The following ABL1 variants were observed in gnomAD, a reference collection of about 807,000 sequenced individuals.
ABL1 encodes the protein tyrosine-protein kinase ABL1.
Under a neutral mutation model 94.7 loss-of-function variants are expected in ABL1, and 11 were observed. The observed-to-expected ratio is 0.12, with a 90% CI of 0.07 to 0.19. The LOEUF (loss-of-function observed/expected upper bound fraction) is 0.19. ABL1 is among the 10% of genes least tolerant of loss of function. ABL1 has a pLI of 1.00. For missense variants in ABL1, 1,082 were observed against 1,489.4 expected, an observed-to-expected ratio of 0.73 and a Z score of 4.50; for synonymous variants, 656 against 622.4, an observed-to-expected ratio of 1.05 and a Z score of -0.80.
intron 1 of ABL1, among the ~76,000 whole-genome samples, chr9:130,774,707 A>T (rs563554786): frequency 6.6e-6 from 1 of 152,166 alleles, no homozygotes; most frequent in South Asian, 2.1e-4. Flanking sequence ...TTAGCCAGGC[A>T]TGGTGGCGTG....
At chr9:130,764,517 T>C (rs150765152) in intron 1 of ABL1, among the ~76,000 whole-genome samples, 1 of 152,356 alleles carries the variant, frequency 6.6e-6, no homozygotes, top group East Asian at 1.9e-4. Context: ...CCTTCTGATA[T>C]ATGCATTCGA....
chr9:130,727,698 G>A (rs1176726922), intron 1 of ABL1, among the ~76,000 whole-genome samples: 1 of 149,772 alleles, frequency 6.7e-6, no homozygotes, highest in Non-Finnish European at 1.5e-5. Flanking sequence ...AGAGGTTGCA[G>A]TGAGCCGAGA....
Position 130,835,387 on chromosome 9 carries a change from C to A in ABL1, c.-60C>A. On this transcript the variant is annotated 5_prime_UTR_variant, in exon 1 of 11. Transcript: ENST00000318560. This position sits in a 1 kb window ranked among gnomAD's most constrained non-coding sequence, Gnocchi z 4.6. Reference sequence around the variant, plus strand: ...GCGCGCGGGCCGAGCCGGGCCTGAGCCGGGCCCGCGGACCGAGCTGGGAGA... The same window carrying A: ...GCGCGCGGGCCGAGCCGGGCCTGAGACGGGCCCGCGGACCGAGCTGGGAGA... 2 of 1,283,328 alleles carry A rather than the reference C, an allele frequency of 1.6e-6. No individual in the cohort carries two copies. The highest frequency in any genetic ancestry group is 2.1e-6 in the Non-Finnish European group (2 of 956,302). The allele number at this position is 1,283,328 out of a possible 1,614,324, so 79.5% of individuals were successfully genotyped here.
intron 1 of ABL1, among the ~76,000 whole-genome samples, chr9:130,824,955 A>G (rs1440022188): frequency 1.3e-5 from 2 of 152,212 alleles, no homozygotes. Flanking sequence ...TTCTGGTTCC[A>G]TTTGTCCTTT....
At chr9:130,753,174 G>A (rs111538674) in intron 1 of ABL1, among the ~76,000 whole-genome samples, 8 of 147,006 alleles carry the variant, frequency 5.4e-5, no homozygotes, top group Non-Finnish European at 9.0e-5. Context: ...GGAGAATGGC[G>A]TGAACCCGGG....
At chr9:130,766,523 G>A (rs1353138147) in intron 1 of ABL1, among the ~76,000 whole-genome samples, 2 of 152,120 alleles carry the variant, frequency 1.3e-5, no homozygotes, top group Non-Finnish European at 2.9e-5. Context: ...ACTTGCAGGG[G>A]CCTTTTCTTT....
rs57194587 is a variant in ABL1, at chr9:130,813,561, CAAAAAAAAAA to C, written c.137-40488_137-40479del. On this transcript the variant is annotated intron_variant, in intron 1 of 10. Transcript: ENST00000372348. ...GGCTGAGAGAGCGAGACTCCATCTCCAAAAAAAAAAAAAAAAAAAAAAAAGAAAGTATGAT... is the reference window on the plus strand; with the variant it reads ...GGCTGAGAGAGCGAGACTCCATCTCCAAAAAAAAAAAAAAGAAAGTATGAT... 6.2e-3 allele frequency among the ~76,000 whole-genome samples: 379 copies of C among 60,698 alleles called. 2 individuals carry two copies. The highest frequency in any genetic ancestry group is 0.02 in the African/African-American group (368 of 18,004). The allele number at this position is 60,698 out of a possible 152,430, so 39.8% of individuals were successfully genotyped here. A position where few individuals can be genotyped will look rare whatever the true frequency, so the allele number is the denominator to read the frequency against.
At chr9:130,866,580 T>G (rs1831161009) in intron 4 of ABL1, among the ~76,000 whole-genome samples, 1 of 152,094 alleles carries the variant, frequency 6.6e-6, no homozygotes, top group South Asian at 2.1e-4. Flanking sequence ...AGGGCCTACT[T>G]TTAACCGCAA....
chr9:130,740,718 C>T (rs896673991), intron 1 of ABL1, among the ~76,000 whole-genome samples: 3 of 151,970 alleles, frequency 2.0e-5, no homozygotes, highest in Non-Finnish European at 4.4e-5. Flanking sequence ...TGCAGTGGCA[C>T]GATCATCGCT....
At chr9:130,734,940 T>G (rs1021053864) in intron 1 of ABL1, among the ~76,000 whole-genome samples, 4 of 152,116 alleles carry the variant, frequency 2.6e-5, no homozygotes, top group Non-Finnish European at 5.9e-5. Context: ...ATTTTATAAT[T>G]ATAAAATTAT....
intron 1 of ABL1, among the ~76,000 whole-genome samples, chr9:130,777,445 CAG>C (rs1237198145): frequency 6.6e-6 from 1 of 151,040 alleles, no homozygotes; most frequent in Non-Finnish European, 1.5e-5. Flanking sequence ...AGGAACCTCT[CAG>C]GGCTTTGTGT....
intron 1 of ABL1, among the ~76,000 whole-genome samples, chr9:130,788,544 C>G (rs1829862268): frequency 6.6e-6 from 1 of 152,136 alleles, no homozygotes; most frequent in African/African-American, 2.4e-5. Flanking sequence ...CCAATTTCCT[C>G]AATTCTCCCA....
At chr9:130,827,196 T>C (rs573337961) in intron 1 of ABL1, among the ~76,000 whole-genome samples, 7 of 152,338 alleles carry the variant, frequency 4.6e-5, no homozygotes, top group Admixed American at 4.6e-4. Flanking sequence ...AGCAGATTTT[T>C]TAAAAGTCTG....
At chr9:130,723,291 C>T (rs1315227219) in intron 1 of ABL1, among the ~76,000 whole-genome samples, 1 of 152,134 alleles carries the variant, frequency 6.6e-6, no homozygotes, top group Non-Finnish European at 1.5e-5. Context: ...CACCTGTAAT[C>T]CCAGCACTTT....
chr9:130,826,801 G>A (rs1048428338), intron 1 of ABL1, among the ~76,000 whole-genome samples: 47 of 152,192 alleles, frequency 3.1e-4, no homozygotes, highest in Non-Finnish European at 4.3e-4. Flanking sequence ...ATGCCCGGCC[G>A]GGCGCGGTGG....
intron 1 of ABL1, among the ~76,000 whole-genome samples, chr9:130,715,819 C>G (rs1161101376): frequency 6.6e-6 from 1 of 151,992 alleles, no homozygotes; most frequent in Admixed American, 6.6e-5. Flanking sequence ...TCCCTGATAT[C>G]TCTTCAGGGG....
At chr9:130,802,561 G>A (rs1183939434) in intron 1 of ABL1, among the ~76,000 whole-genome samples, 3 of 151,760 alleles carry the variant, frequency 2.0e-5, no homozygotes, top group African/African-American at 7.3e-5. Context: ...ATTATTTTTT[G>A]TTGTTCCTAT....
Position 130,802,095 on chromosome 9 carries a change from CTTTT to C in ABL1, c.137-51957_137-51954del, listed in dbSNP as rs3085157. Among the ~76,000 whole-genome samples, 165 of 132,076 alleles carry C rather than the reference CTTTT, an allele frequency of 1.2e-3. 2 individuals carry two copies. The highest frequency in any genetic ancestry group is 2.0e-3 in the Non-Finnish European group (127 of 63,122). 86.6% of individuals were successfully genotyped at this position (132,076 alleles called of 152,430 possible). A position where few individuals can be genotyped will look rare whatever the true frequency, so the allele number is the denominator to read the frequency against. On this transcript the variant is annotated intron_variant, in intron 1 of 10. Transcript: ENST00000372348. ...AGTCTGTTCATTTTTTTCCTTCAGT[CTTTT>C]TTTTTTTTTTTGAAATGGTCTCTCT...
rs1064163 is a variant in ABL1 at position 130,885,145 on chromosome 9, G to A, written c.2855G>A (p.Gly952Glu). 1 of 1,613,048 alleles carries A rather than the reference G, an allele frequency of 6.2e-7. No homozygotes were observed. Among genetic ancestry groups the A allele is most frequent in the Non-Finnish European group, 8.5e-7 (1 of 1,179,906 alleles). ...NSDAAKPSQP[G>E]EGLKKPVLPA... Reference sequence around the variant, plus strand: ...GACGCTGCCAAGCCCAGCCAGCCGGGAGAGGGCCTCAAAAAGCCCGTGCTC... The same window carrying A: ...GACGCTGCCAAGCCCAGCCAGCCGGAAGAGGGCCTCAAAAAGCCCGTGCTC... The change falls in exon 11 of 11, where the codon GGA becomes GAA. Residue 952 changes from glycine to glutamate, a missense_variant. Transcript: ENST00000318560.
Sources: allele counts gnomAD v4.1 joint callset (sites outside exome capture counted in the v4.1 genomes callset), GRCh38; gene constraint gnomAD v4.1.1; non-coding constraint Gnocchi (gnomAD v3.1); transcripts MANE v1.5; gene names NCBI Gene and HGNC (gene_info 2026-07-23, HGNC 2026-07-21).